The following SLK variants were observed in gnomAD, a reference collection of about 807,000 sequenced individuals.
SLK encodes STE20-like serine/threonine-protein kinase.
SLK carries 67 observed loss-of-function variants against 147.7 expected under a neutral mutation model. The observed-to-expected ratio is 0.45, with a 90% CI of 0.37 to 0.56. The LOEUF is 0.56. SLK is among the 20% of genes least tolerant of loss of function. The pLI, the probability that SLK is intolerant of heterozygous loss-of-function variation, is 0.00. For missense variants in SLK, 1,136 were observed against 1,438.8 expected (o/e 0.79, Z 3.41); for synonymous variants, 441 against 475.0 (o/e 0.93, Z 0.93).
At position 103,967,199 on chromosome 10, in the gene SLK, C is replaced by A. The variant is rs192746404; in HGVS notation, c.-547C>A. The A allele has an allele frequency of 4.6e-3, 695 of 151,818 alleles. 2 individuals are homozygous for A. Among genetic ancestry groups the A allele is most frequent in the Middle Eastern group, 0.017 (5 of 292 alleles). 9.4% of individuals were successfully genotyped at this position (151,818 alleles called of 1,614,324 possible). On this transcript the variant is annotated 5_prime_UTR_variant, in exon 1 of 19. Coordinates refer to ENST00000369755, the MANE Select transcript of SLK (RefSeq NM_014720.4). ...TGTGTGGGCTGGGGAGGGAGACAGG[C>A]GGCGGCGGCGGCGCCCCAGACCCGA...
rs1228169610 is a variant in SLK at position 103,993,105 on chromosome 10, C to G, written c.486C>G (p.Leu162=). The G allele has an allele frequency of 3.7e-6, 6 of 1,609,710 alleles. No homozygotes were observed. Among genetic ancestry groups the G allele is most frequent in the South Asian group, 1.1e-5 (1 of 90,220 alleles). Residue 162 remains leucine, a synonymous_variant, in exon 4 of 19, where the codon CTC becomes CTG. Coordinates refer to ENST00000369755, the MANE Select transcript of SLK (RefSeq NM_014720.4). ...IHRDLKAGNI[L]FTLDGDIKLA... ...GAGATCTGAAGGCTGGCAACATTCT[C>G]TTTACCTTAGATGGAGATATCAAAT...
intron 16 of SLK, 80 bp downstream of exon 16, chr10:104,020,002 T>C: frequency 1.7e-6 from 2 of 1,165,804 alleles, no homozygotes; most frequent in Non-Finnish European, 2.5e-6. Flanking sequence ...AATTCCTTTC[T>C]TTCTAAACAA....
intron 13 of SLK, among the ~76,000 whole-genome samples, chr10:104,017,384 G>A (rs1439311805): frequency 6.6e-6 from 1 of 152,134 alleles, no homozygotes; most frequent in African/African-American, 2.4e-5. Flanking sequence ...TGTTAGGATA[G>A]CCATGATATT....
chr10:104,015,050 A>AT (rs1277730842), intron 13 of SLK, among the ~76,000 whole-genome samples: 1 of 152,116 alleles, frequency 6.6e-6, no homozygotes, highest in African/African-American at 2.4e-5. Flanking sequence ...GTGTAATAAC[A>AT]TTAACATTTT....
intron 7 of SLK, 47 bp downstream of exon 7, chr10:103,999,995 A>G (rs1844224427): frequency 1.4e-6 from 1 of 730,246 alleles, no homozygotes. Context: ...TTTAACATCT[A>G]AGAATGTAAT....
rs138831409 is a variant in SLK, at chr10:103,997,300, A to G, written c.515-1599A>G. Among the ~76,000 whole-genome samples the G allele has an allele frequency of 5.3e-3, 804 of 152,328 alleles. 3 individuals are homozygous for G. The highest frequency in any genetic ancestry group is 0.019 in the African/African-American group (782 of 41,564). ...TAATATGCCATTGTATGTATATAAC[A>G]CATTTTGTTTATCCGTTCATCCATC... is the stretch of plus-strand genomic sequence containing the variant. On this transcript the variant is annotated intron_variant, in intron 4 of 18. Coordinates refer to ENST00000369755, the MANE Select transcript of SLK (RefSeq NM_014720.4).
intron 2 of SLK, among the ~76,000 whole-genome samples, chr10:103,992,111 G>A (rs557649031): frequency 1.7e-5 from 2 of 118,294 alleles, no homozygotes; most frequent in East Asian, 6.1e-4. Flanking sequence ...AATTGAGCTC[G>A]GATCTGAAGC....
At chr10:103,988,487 C>G (rs1426397548) in intron 1 of SLK, among the ~76,000 whole-genome samples, 1 of 152,082 alleles carries the variant, frequency 6.6e-6, no homozygotes, top group African/African-American at 2.4e-5. Flanking sequence ...AAATTTGCAA[C>G]CTCTAGCATA....
chr10:104,000,968 A>G (rs1168390121), intron 7 of SLK, among the ~76,000 whole-genome samples: 6 of 148,210 alleles, frequency 4.0e-5, no homozygotes, highest in Non-Finnish European at 8.9e-5. Flanking sequence ...CTGAGGCAGG[A>G]GAATCTCTTG....
At chr10:104,005,498 G>A in intron 9 of SLK, 63 bp from the exon 10 acceptor site, 1 of 1,450,568 alleles carries the variant, frequency 6.9e-7, no homozygotes, top group African/African-American at 1.4e-5. Flanking sequence ...TAAGGAAGAA[G>A]AAAATGTTTT....
At chr10:103,996,701 T>C (rs17116224) in intron 4 of SLK, among the ~76,000 whole-genome samples, 3,553 of 152,260 alleles carry the variant, frequency 0.023, 81 homozygotes, top group South Asian at 0.11. Flanking sequence ...GGCCTTCTAA[T>C]AAATATTATG....
rs1354063736 is a variant in SLK at position 104,026,370 on chromosome 10, C to CT, written c.*650_*651insT. ...CTAAAACACTAAATTTCAGTCAAGT[C>CT]GTAAGTAGGATTTTCTTTTTGATCA... On this transcript the variant is annotated 3_prime_UTR_variant, in exon 19 of 19. Transcript: ENST00000369755. The CT allele has an allele frequency of 2.0e-5, 3 of 152,472 alleles. No homozygotes were observed. The highest frequency in any genetic ancestry group is 7.2e-5 in the African/African-American group (3 of 41,386). 9.4% of individuals were successfully genotyped at this position (152,472 alleles called of 1,614,324 possible). A position where few individuals can be genotyped will look rare whatever the true frequency, so the allele number is the denominator to read the frequency against.
intron 1 of SLK, among the ~76,000 whole-genome samples, chr10:103,972,557 A>G (rs1281261384): frequency 6.6e-6 from 1 of 152,042 alleles, no homozygotes; most frequent in East Asian, 1.9e-4. Flanking sequence ...CTGTAGTCCC[A>G]GCTACTCGGG....
At chr10:104,021,775 G>A (rs367777838) in intron 18 of SLK, 42 bp downstream of exon 18, 14 of 1,009,582 alleles carry the variant, frequency 1.4e-5, no homozygotes, top group East Asian at 2.5e-5. Context: ...GTGTGTACTC[G>A]TCCGTCTACC....
intron 1 of SLK, among the ~76,000 whole-genome samples, chr10:103,983,287 A>G (rs887619557): frequency 1.3e-5 from 2 of 152,220 alleles, no homozygotes; most frequent in African/African-American, 2.4e-5. Context: ...AGATAACAGT[A>G]TGAACAGTCT....
intron 4 of SLK, among the ~76,000 whole-genome samples, chr10:103,997,290 T>G (rs1844188081): frequency 6.6e-6 from 1 of 152,240 alleles, no homozygotes; most frequent in African/African-American, 2.4e-5. Flanking sequence ...TGCCATTGTA[T>G]GTATATAACA....
intron 1 of SLK, among the ~76,000 whole-genome samples, chr10:103,968,135 T>C (rs1173767115): frequency 6.6e-6 from 1 of 152,196 alleles, no homozygotes; most frequent in Admixed American, 6.5e-5. Context: ...GGTTATAAAG[T>C]CTACTCTTTC....
At chr10:104,015,556 T>C (rs1162522088) in intron 13 of SLK, among the ~76,000 whole-genome samples, 1 of 152,236 alleles carries the variant, frequency 6.6e-6, no homozygotes, top group Non-Finnish European at 1.5e-5. Flanking sequence ...CCAAGACTGT[T>C]GATACTTGGG....
At chr10:104,021,778 C>G in intron 18 of SLK, 45 bp downstream of exon 18, 1 of 995,540 alleles carries the variant, frequency 1.0e-6, no homozygotes, top group African/African-American at 1.6e-5. Context: ...TGTACTCGTC[C>G]GTCTACCCAG....
Sources: gnomAD v4.1 joint callset for allele counts (sites outside exome capture counted in the v4.1 genomes callset) on GRCh38, gnomAD v4.1.1 for gene constraint, MANE v1.5 for transcripts, NCBI Gene and HGNC (gene_info 2026-07-23, HGNC 2026-07-21) for gene names.